SLC4A10: variants seen among roughly 807,000 people sequenced by gnomAD.
The protein encoded by SLC4A10 is sodium-driven chloride bicarbonate exchanger.
SLC4A10 carries 42 observed loss-of-function variants against 137.7 expected under a neutral mutation model. The observed-to-expected ratio is 0.30, with a 90% CI of 0.24 to 0.39. The LOEUF (loss-of-function observed/expected upper bound fraction) is 0.39, where lower values mean the gene tolerates loss of function less well. Ranked by LOEUF, SLC4A10 falls within the 10% of genes least tolerant of loss-of-function variation. The pLI is 1.00. For synonymous variants in SLC4A10, 474 were observed against 464.1 expected (o/e 1.02, Z -0.27); for missense variants, 925 against 1,355.0 (o/e 0.68, Z 4.98).
intron 2 of SLC4A10, among the ~76,000 whole-genome samples, chr2:161,791,631 A>G (rs75245513): frequency 0.032 from 4,860 of 152,298 alleles, 112 homozygotes; most frequent in Middle Eastern, 0.054. Context: ...CTTCAAAATA[A>G]AAGTTGGAGA....
chr2:161,877,281 T>C (rs2061498603), intron 8 of SLC4A10, among the ~76,000 whole-genome samples: 1 of 152,106 alleles, frequency 6.6e-6, no homozygotes, highest in African/African-American at 2.4e-5. Context: ...ATATAATTCA[T>C]ATTATCAATT....
At chr2:161,855,609 C>T (rs78652888) in intron 5 of SLC4A10, among the ~76,000 whole-genome samples, 2,434 of 152,008 alleles carry the variant, frequency 0.016, 68 homozygotes, top group African/African-American at 0.056. Context: ...AGTTAGGATT[C>T]GTTTTGTAAT....
intron 1 of SLC4A10, among the ~76,000 whole-genome samples, chr2:161,641,211 A>G: frequency 6.6e-6 from 1 of 152,076 alleles, no homozygotes; most frequent in East Asian, 1.9e-4. Context: ...CTAGACAGAG[A>G]CACTTGTTTT....
intron 2 of SLC4A10, among the ~76,000 whole-genome samples, chr2:161,797,142 G>A (rs916192075): frequency 2.6e-5 from 4 of 152,046 alleles, no homozygotes; most frequent in Non-Finnish European, 5.9e-5. Flanking sequence ...AAATAATAGT[G>A]AAATTGCAAG....
At chr2:161,703,134 A>G (rs2043294587) in intron 1 of SLC4A10, among the ~76,000 whole-genome samples, 1 of 151,732 alleles carries the variant, frequency 6.6e-6, no homozygotes, top group South Asian at 2.1e-4. Flanking sequence ...CAAAGCCTCA[A>G]AAACATTAAC....
intron 15 of SLC4A10, among the ~76,000 whole-genome samples, chr2:161,910,075 A>G (rs1685467225): frequency 6.6e-6 from 1 of 152,164 alleles, no homozygotes; most frequent in African/African-American, 2.4e-5. Context: ...CAATATGCCT[A>G]TAATGTGCAT....
intron 1 of SLC4A10, among the ~76,000 whole-genome samples, chr2:161,734,007 C>T (rs2125200315): frequency 6.6e-6 from 1 of 152,264 alleles, no homozygotes; most frequent in South Asian, 2.1e-4. Context: ...TACCTGTACC[C>T]CATTGTATCT....
At chr2:161,913,700 G>T (rs536483765) in intron 15 of SLC4A10, among the ~76,000 whole-genome samples, 4 of 151,390 alleles carry the variant, frequency 2.6e-5, no homozygotes, top group Non-Finnish European at 4.4e-5. Flanking sequence ...TTATAGTGAA[G>T]AGTAGAACCC....
At chr2:161,906,414 T>G (rs1291693340) in intron 15 of SLC4A10, among the ~76,000 whole-genome samples, 1 of 152,212 alleles carries the variant, frequency 6.6e-6, no homozygotes, top group Non-Finnish European at 1.5e-5. Context: ...ATGGAAATAC[T>G]CAGATATTAG....
chr2:161,809,282 A>T (rs58932848), intron 3 of SLC4A10, among the ~76,000 whole-genome samples: 3,348 of 152,090 alleles, frequency 0.022, 128 homozygotes, highest in African/African-American at 0.075. Context: ...GGGGTATCAG[A>T]CATTTTTTGA....
chr2:161,661,444 A>G (rs1244806926), intron 1 of SLC4A10, among the ~76,000 whole-genome samples: 1 of 152,270 alleles, frequency 6.6e-6, no homozygotes, highest in African/African-American at 2.4e-5. Flanking sequence ...ACTGCACTCC[A>G]GCCTGGCAAC....
chr2:161,652,634 G>A (rs919731549), intron 1 of SLC4A10, among the ~76,000 whole-genome samples: 2 of 152,202 alleles, frequency 1.3e-5, no homozygotes, highest in Admixed American at 1.3e-4. Flanking sequence ...CTCAACAAAA[G>A]TTTAAATGTA....
chr2:161,771,171 T>C, intron 2 of SLC4A10, 117 bp downstream of exon 2: 2 of 713,582 alleles, frequency 2.8e-6, no homozygotes, highest in East Asian at 2.7e-5. Context: ...TAATGGTAGC[T>C]TACTGGGGAG....
intron 1 of SLC4A10, among the ~76,000 whole-genome samples, chr2:161,642,905 A>G (rs1186301560): frequency 6.6e-6 from 1 of 152,006 alleles, no homozygotes; most frequent in Non-Finnish European, 1.5e-5. Context: ...TGTAGCGAAG[A>G]CAAAAATCAT....
intron 2 of SLC4A10, among the ~76,000 whole-genome samples, chr2:161,777,922 C>G (rs1212190358): frequency 6.6e-6 from 1 of 151,944 alleles, no homozygotes; most frequent in East Asian, 1.9e-4. Flanking sequence ...AGGATGCCAA[C>G]AGTTTTACTC....
At chr2:161,810,363 C>G (rs1262859167) in intron 3 of SLC4A10, among the ~76,000 whole-genome samples, 1 of 152,044 alleles carries the variant, frequency 6.6e-6, no homozygotes, top group Non-Finnish European at 1.5e-5. Flanking sequence ...TTATTTCTTT[C>G]TCTTGCCTGA....
intron 1 of SLC4A10, among the ~76,000 whole-genome samples, chr2:161,767,974 A>C (rs2051108872): frequency 6.6e-6 from 1 of 152,034 alleles, no homozygotes; most frequent in South Asian, 2.1e-4. Context: ...CTAGTAGCTT[A>C]GTCCTTAGAT....
chr2:161,747,726 C>G (rs528801281), intron 1 of SLC4A10, among the ~76,000 whole-genome samples: 1 of 152,188 alleles, frequency 6.6e-6, no homozygotes, highest in South Asian at 2.1e-4. Flanking sequence ...GTTTCCATAT[C>G]TTGGCTATTG....
chr2:161,952,130 C>T (rs6707646), intron 19 of SLC4A10, among the ~76,000 whole-genome samples: 71,981 of 151,930 alleles, frequency 0.47, 17,216 homozygotes, highest in South Asian at 0.65. Context: ...AAATTATCCT[C>T]TGTAAGGGCC....
Sources: gnomAD v4.1 joint callset for allele counts (sites outside exome capture counted in the v4.1 genomes callset) on GRCh38, gnomAD v4.1.1 for gene constraint, MANE v1.5 for transcripts, NCBI Gene and HGNC (gene_info 2026-07-23, HGNC 2026-07-21) for gene names.